ART3: variants seen among roughly 807,000 people sequenced by gnomAD.
ART3 encodes ecto-ADP-ribosyltransferase 3.
A neutral mutation model predicts 48.5 loss-of-function variants in ART3; 49 were observed. The ratio of observed to expected loss-of-function variants is 1.01; its 90% confidence interval spans 0.80 to 1.28. The LOEUF is 1.28. ART3 is among the 50% of genes most tolerant of loss of function. The probability of loss-of-function intolerance (pLI) is 0.00; values close to 1 mark genes in which losing one functional copy is unlikely to be tolerated. For synonymous variants in ART3, 145 were observed against 157.2 expected (o/e 0.92, Z 0.58); for missense variants, 438 against 454.3 (o/e 0.96, Z 0.33).
intron 1 of ART3, among the ~76,000 whole-genome samples, chr4:76,016,476 C>T (rs566476130): frequency 4.1e-4 from 63 of 152,166 alleles, no homozygotes; most frequent in Non-Finnish European, 3.8e-4. Flanking sequence ...TGACACCAAG[C>T]ACACCTGTGG....
chr4:76,034,426 A>G (rs777532658), intron 1 of ART3: 17 of 477,284 alleles, frequency 3.6e-5, no homozygotes, highest in Admixed American at 8.1e-5. Context: ...CATCAAATCT[A>G]GAAGGTTCTC....
chr4:76,109,385 A>G (rs887286468), intron 11 of ART3, among the ~76,000 whole-genome samples: 1 of 152,124 alleles, frequency 6.6e-6, no homozygotes, highest in Non-Finnish European at 1.5e-5. Flanking sequence ...CTTCAGGGGT[A>G]GTAACGTGCA....
At chr4:76,086,503 TAGC>T (rs1387486838) in intron 3 of ART3, among the ~76,000 whole-genome samples, 2 of 152,162 alleles carry the variant, frequency 1.3e-5, no homozygotes, top group African/African-American at 4.8e-5. Context: ...GGATACCAAA[TAGC>T]AGACAGGTAG....
At chr4:76,063,222 A>G (rs1719402398) in intron 1 of ART3, among the ~76,000 whole-genome samples, 1 of 152,188 alleles carries the variant, frequency 6.6e-6, no homozygotes, top group African/African-American at 2.4e-5. Flanking sequence ...CACTGACAAC[A>G]TCCCAACACC....
At chr4:76,082,624 G>A in intron 3 of ART3, 89 bp downstream of exon 3, 3 of 1,038,932 alleles carry the variant, frequency 2.9e-6, no homozygotes, top group Admixed American at 2.5e-5. Flanking sequence ...AGAGTGAGAG[G>A]TGTTTGAAAG....
intron 3 of ART3, among the ~76,000 whole-genome samples, chr4:76,093,614 T>A (rs1295336422): frequency 2.0e-5 from 3 of 152,232 alleles, no homozygotes; most frequent in Admixed American, 2.0e-4. Flanking sequence ...ATTTGCATCT[T>A]CAACCATTGT....
intron 1 of ART3, among the ~76,000 whole-genome samples, chr4:76,023,805 T>G (rs1733115992): frequency 6.6e-6 from 1 of 152,260 alleles, no homozygotes; most frequent in Non-Finnish European, 1.5e-5. Context: ...TATAATGCTT[T>G]TTCTCAACAC....
At chr4:76,035,816 T>C in intron 1 of ART3, 1 of 941,876 alleles carries the variant, frequency 1.1e-6, no homozygotes, top group Non-Finnish European at 1.6e-6. Flanking sequence ...ACTTCTAATC[T>C]GTGAGATTAA....
At chr4:76,034,197 T>C (rs1380050386) in intron 1 of ART3, 4 of 368,306 alleles carry the variant, frequency 1.1e-5, no homozygotes, top group African/African-American at 6.2e-5. Context: ...ATTGATGTGC[T>C]ACATGATGTT....
intron 6 of ART3, 37 bp from the exon 7 acceptor site, chr4:76,100,758 C>T: frequency 6.3e-7 from 1 of 1,599,338 alleles, no homozygotes; most frequent in Non-Finnish European, 8.5e-7. Context: ...TCTTTTGTTC[C>T]TTCGTTAAAA....
intron 1 of ART3, among the ~76,000 whole-genome samples, chr4:76,050,400 G>A (rs1735945136): frequency 6.6e-6 from 1 of 151,976 alleles, no homozygotes; most frequent in African/African-American, 2.4e-5. Flanking sequence ...GTTCTCCAGG[G>A]CCCCACCAGA....
At chr4:76,043,359 G>C (rs909490768) in intron 1 of ART3, among the ~76,000 whole-genome samples, 14 of 152,000 alleles carry the variant, frequency 9.2e-5, no homozygotes, top group Admixed American at 2.0e-4. Flanking sequence ...GCACTCGTCA[G>C]GGAGGCTCGG....
At chr4:76,071,444 C>T (rs1720310582), upstream of ART3, among the ~76,000 whole-genome samples, 1 of 152,108 alleles carries the variant, frequency 6.6e-6, no homozygotes, top group Non-Finnish European at 1.5e-5. Context: ...CTGCCTCATT[C>T]CTTTTATGTC....
At chr4:76,028,139 C>T (rs1255876920) in intron 1 of ART3, among the ~76,000 whole-genome samples, 1 of 151,098 alleles carries the variant, frequency 6.6e-6, no homozygotes, top group Non-Finnish European at 1.5e-5. Flanking sequence ...AGGGTAGAAA[C>T]CTGACAAATG....
At chr4:76,074,151 C>T (rs1307138610), upstream of ART3, among the ~76,000 whole-genome samples, 1 of 152,172 alleles carries the variant, frequency 6.6e-6, no homozygotes, top group Non-Finnish European at 1.5e-5. Flanking sequence ...GCAGGCATTA[C>T]CAAATCCTTC....
intron 1 of ART3, among the ~76,000 whole-genome samples, chr4:76,037,801 C>T (rs1363890505): frequency 6.6e-6 from 1 of 152,056 alleles, no homozygotes; most frequent in East Asian, 1.9e-4. Context: ...AACTTTCTTT[C>T]AAGAATTTTC....
At chr4:76,046,482 C>T (rs573919557) in intron 1 of ART3, among the ~76,000 whole-genome samples, 1 of 152,014 alleles carries the variant, frequency 6.6e-6, no homozygotes, top group Non-Finnish European at 1.5e-5. Context: ...AAGCCTTGAG[C>T]TTTTAAATGT....
chr4:76,081,167 T>C (rs2149551058), intron 2 of ART3, among the ~76,000 whole-genome samples: 1 of 152,318 alleles, frequency 6.6e-6, no homozygotes, highest in South Asian at 2.1e-4. Flanking sequence ...GCCTTATTTG[T>C]TGCTTTATTT....
intron 1 of ART3, among the ~76,000 whole-genome samples, chr4:76,025,428 A>G (rs1470426534): frequency 6.6e-6 from 1 of 152,228 alleles, no homozygotes; most frequent in Non-Finnish European, 1.5e-5. Context: ...TACTTGATAA[A>G]TGGACTAAAA....
Sources: allele counts gnomAD v4.1 joint callset (sites outside exome capture counted in the v4.1 genomes callset), GRCh38; gene constraint gnomAD v4.1.1; transcripts MANE v1.5; gene names NCBI Gene and HGNC (gene_info 2026-07-23, HGNC 2026-07-21).